SLC13A4: variants seen among roughly 807,000 people sequenced by gnomAD.
The protein encoded by SLC13A4 is Na(+)/sulfate cotransporter SUT-1.
SLC13A4 carries 28 observed loss-of-function variants against 72.7 expected under a neutral mutation model. The ratio of observed to expected loss-of-function variants is 0.39; its 90% CI spans 0.29 to 0.53. The LOEUF (loss-of-function observed/expected upper bound fraction) is 0.53, where lower values mean the gene tolerates loss of function less well. SLC13A4 is among the 20% of genes least tolerant of loss of function. The probability of loss-of-function intolerance (pLI) is 0.78; values close to 1 mark genes in which losing one functional copy is unlikely to be tolerated. For synonymous variants in SLC13A4, 312 were observed against 325.5 expected (o/e 0.96, Z 0.45); for missense variants, 653 against 788.0 (o/e 0.83, Z 2.05).
rs1281144241 is a variant in SLC13A4 at position 135,706,201 on chromosome 7, C to T, written c.465G>A (p.Leu155=). The change falls in exon 4 of 16, where the codon CTG becomes CTA. Residue 155 remains leucine (L), a synonymous_variant. Coordinates refer to ENST00000682651, the MANE Select transcript of SLC13A4 (RefSeq NM_001318192.2). ...AMVMPIVEAV[L]QELVSAEDEQ... is the part of the protein sequence containing the mutation. ...CGTCCTCAGCACTGACCAGCTCCTG[C>T]AGCACGGCCTCCACGATGGGCATCA... is the stretch of plus-strand genomic sequence containing the variant. 9.3e-6 allele frequency: 15 copies of T among 1,613,980 alleles called. No homozygotes were observed. Among genetic ancestry groups the T allele is most frequent in the Non-Finnish European group, 1.2e-5 (14 of 1,179,846 alleles).
chr7:135,681,695 T>C lies in SLC13A4; in HGVS notation c.1752A>G (p.Lys584=), dbSNP rs569547953. 12 of 1,612,972 alleles carry C rather than the reference T, an allele frequency of 7.4e-6. No homozygotes were observed. The highest frequency in any genetic ancestry group is 1.0e-5 in the Non-Finnish European group (12 of 1,179,474). Residue 584 remains lysine (K), a synonymous_variant, in exon 16 of 16, where the codon AAA becomes AAG. Coordinates refer to ENST00000682651, the MANE Select transcript of SLC13A4 (RefSeq NM_001318192.2). ...YGHCQIKDMV[K]AGLGVNVIGL... ...CAATAACGTTGACTCCCAGGCCAGC[T>C]TTCACCTGCAGGACACAAACCAGCA...
intron 13 of SLC13A4, among the ~76,000 whole-genome samples, chr7:135,688,672 A>G (rs886282273): frequency 6.6e-6 from 1 of 152,230 alleles, no homozygotes; most frequent in African/African-American, 2.4e-5. Context: ...GGAAGTCTTA[A>G]TTCTTTAAAC....
rs769482364 is a variant in SLC13A4, at chr7:135,700,136, G to A, written c.715-588C>T. Among the ~76,000 whole-genome samples the A allele has an allele frequency of 2.0e-5, 3 of 152,212 alleles. No homozygotes were observed. The South Asian group carries it at 6.2e-4, about 31-fold the overall frequency. On this transcript the variant is annotated intron_variant, in intron 7 of 15. Coordinates refer to ENST00000682651, the MANE Select transcript of SLC13A4 (RefSeq NM_001318192.2). ...AGTCTTCATTGGGAAGAGGGTTGAA[G>A]TGTGATTATTTCCTCCTTCCCTTCC...
intron 2 of SLC13A4, among the ~76,000 whole-genome samples, chr7:135,719,956 GGAGA>G (rs10700387): frequency 5.9e-5 from 8 of 135,874 alleles, no homozygotes; most frequent in African/African-American, 8.4e-5. Flanking sequence ...GGAGTTGGGG[GGAGA>G]GAGAGAGAGA....
chr7:135,723,920 A>G (rs950061636), intron 1 of SLC13A4, among the ~76,000 whole-genome samples: 3 of 152,232 alleles, frequency 2.0e-5, no homozygotes, highest in African/African-American at 7.2e-5. Flanking sequence ...GGAAAAAAAA[A>G]GAGGCTCCAC....
At chr7:135,718,085 ACACGCGCGCGCGCG>A (rs1796468351) in intron 2 of SLC13A4, among the ~76,000 whole-genome samples, 1 of 127,218 alleles carries the variant, frequency 7.9e-6, no homozygotes, top group South Asian at 2.7e-4. Flanking sequence ...ACACACACAC[ACACGCGCGCGCGCG>A]CACGCGTGCG....
chr7:135,725,067 T>C lies in SLC13A4; in HGVS notation c.99+2331A>G, dbSNP rs1311548992. Among the ~76,000 whole-genome samples, 8 of 152,218 alleles carry C rather than the reference T, an allele frequency of 5.3e-5. No homozygotes were observed. The East Asian group carries it at 1.5e-3, about 29-fold the overall frequency. Reference sequence around the variant, plus strand: ...CCAGGCTCTTTAACAACACCACTGGTTCCTTATAATAGCAGGTATGTGGGG... The same window carrying C: ...CCAGGCTCTTTAACAACACCACTGGCTCCTTATAATAGCAGGTATGTGGGG... On this transcript the variant is annotated intron_variant, in intron 1 of 15. Transcript: ENST00000682651.
chr7:135,692,168 C>T, intron 11 of SLC13A4, 155 bp downstream of exon 11: 1 of 661,926 alleles, frequency 1.5e-6, no homozygotes, highest in Non-Finnish European at 2.7e-6. Flanking sequence ...AGTGTTTTTC[C>T]TTCCTGATTT....
rs1041149784 is a variant in SLC13A4 at position 135,721,637 on chromosome 7, A to G, written c.100-114T>C. On this transcript the variant is annotated intron_variant, in intron 1 of 15. Transcript: ENST00000682651. ...CTCAGACTGTAACGCGGGTACTAGG[A>G]TACAGCCCAGGGACCGAAACCGAAC... The G allele has an allele frequency of 1.1e-5, 15 of 1,393,584 alleles. No homozygotes were observed. In the African/African-American group the frequency reaches 2.0e-4, roughly 19 times the overall value. The allele number at this position is 1,393,584 out of a possible 1,614,324, so 86.3% of individuals were successfully genotyped here.
At chr7:135,723,184 A>C (rs1257798260) in intron 1 of SLC13A4, among the ~76,000 whole-genome samples, 1 of 152,090 alleles carries the variant, frequency 6.6e-6, no homozygotes, top group Non-Finnish European at 1.5e-5. Flanking sequence ...ACTCCATTCT[A>C]TCCGCTTGAC....
intron 8 of SLC13A4, among the ~76,000 whole-genome samples, chr7:135,698,049 T>C (rs1040208127): frequency 6.6e-6 from 1 of 152,192 alleles, no homozygotes; most frequent in Non-Finnish European, 1.5e-5. Context: ...TATTTATTTT[T>C]TGAGATGGAG....
At chr7:135,708,335 A>T in intron 2 of SLC13A4, 85 bp from the exon 3 acceptor site, 1 of 1,554,556 alleles carries the variant, frequency 6.4e-7, no homozygotes, top group South Asian at 1.2e-5. Context: ...GCCATACCCA[A>T]TAAAACCTGT....
chr7:135,722,008 A>G (rs1050723206), intron 1 of SLC13A4, among the ~76,000 whole-genome samples: 4 of 152,230 alleles, frequency 2.6e-5, no homozygotes, highest in African/African-American at 9.6e-5. Context: ...TGGGAGGCCA[A>G]GGTGGGAGGA....
chr7:135,696,372 G>A (rs56093036), intron 8 of SLC13A4, among the ~76,000 whole-genome samples: 43,520 of 151,076 alleles, frequency 0.29, 6,492 homozygotes, highest in Middle Eastern at 0.46. Context: ...TTTTTGAGAC[G>A]GAGTCTTGCT....
intron 1 of SLC13A4, among the ~76,000 whole-genome samples, chr7:135,724,500 G>GAAAA (rs5887740): frequency 1.6e-4 from 15 of 94,416 alleles, no homozygotes; most frequent in East Asian, 3.1e-4. Flanking sequence ...CTCTGTCTCA[G>GAAAA]AAAAAAAAAA....
Position 135,695,394 on chromosome 7 carries a change from C to G in SLC13A4, c.993G>C (p.Trp331Cys). 1 of 1,614,076 alleles carries G rather than the reference C, an allele frequency of 6.2e-7. No individual in the cohort carries two copies. Among genetic ancestry groups the G allele is most frequent in the South Asian group, 1.1e-5 (1 of 91,076 alleles). ...SLIMLVVSWF[W>C]MHWLFLGCNF... ...TGCAGCCCAGGAACAGCCAGTGCATCCAGAACCAGCTGACCACCAGCATGA... is the reference window on the plus strand; with the variant it reads ...TGCAGCCCAGGAACAGCCAGTGCATGCAGAACCAGCTGACCACCAGCATGA... Residue 331 changes from tryptophan (W) to cysteine (C), a missense_variant, in exon 9 of 16, where the codon TGG becomes TGC. Trp to Cys is a radical substitution (Grantham distance 215). Coordinates refer to ENST00000682651, the MANE Select transcript of SLC13A4 (RefSeq NM_001318192.2).
At chr7:135,705,691 C>T (rs1796144854) in intron 4 of SLC13A4, 41 bp from the exon 5 acceptor site, 4 of 1,583,936 alleles carry the variant, frequency 2.5e-6, no homozygotes, top group Non-Finnish European at 3.5e-6. Flanking sequence ...GAGGTGGAGG[C>T]TGGGGCTGAC....
chr7:135,725,183 C>T (rs139375194), intron 1 of SLC13A4, among the ~76,000 whole-genome samples: 23 of 152,294 alleles, frequency 1.5e-4, no homozygotes, highest in African/African-American at 5.1e-4. Context: ...GGAAAGAGTT[C>T]GAAAGTGGCA....
chr7:135,725,165 CAAGTA>C (rs1796629989), intron 1 of SLC13A4, among the ~76,000 whole-genome samples: 2 of 152,310 alleles, frequency 1.3e-5, no homozygotes, highest in South Asian at 4.1e-4. Context: ...CTCCCGTTTA[CAAGTA>C]AAGGAAAGAG....
Sources: allele counts gnomAD v4.1 joint callset (sites outside exome capture counted in the v4.1 genomes callset), GRCh38; gene constraint gnomAD v4.1.1; transcripts MANE v1.5; gene names NCBI Gene and HGNC (gene_info 2026-07-23, HGNC 2026-07-21).